The following DNAH8 variants were observed in gnomAD, a reference collection of about 807,000 sequenced individuals.
DNAH8 encodes axonemal beta dynein heavy chain 8.
Under a neutral mutation model 562.1 loss-of-function variants are expected in DNAH8, and 382 were observed. The observed-to-expected ratio is 0.68, with a 90% CI of 0.63 to 0.74. The LOEUF (loss-of-function observed/expected upper bound fraction) is 0.74, where lower values mean the gene tolerates loss of function less well. Among genes scored for constraint, DNAH8 ranks in the 30% least tolerant of loss-of-function variants. DNAH8 has a pLI of 0.00. For missense variants in DNAH8, 5,203 were observed against 5,620.4 expected (o/e 0.93, Z 2.37); for synonymous variants, 1,881 against 1,919.4 (o/e 0.98, Z 0.52).
intron 82 of DNAH8, chr6:38,953,135 G>A (rs1287839220): frequency 2.0e-5 from 3 of 152,184 alleles, no homozygotes; most frequent in African/African-American, 7.2e-5. Flanking sequence ...CACCCTCAGG[G>A]AAACTCCTCT....
chr6:38,978,851 T>C lies in DNAH8; in HGVS notation c.12835-3495T>C, dbSNP rs574717304. On this transcript the variant is annotated intron_variant, in intron 85 of 92. Transcript: ENST00000327475. The stretch of plus-strand genomic sequence containing the variant: ...GTAGTTCAGAGTTTTGTATATTCTG[T>C]GAAATGAAAAGAAGAAACTGTATTA... 3.3e-5 allele frequency among the ~76,000 whole-genome samples: 5 copies of C among 152,348 alleles called. No individual in the cohort carries two copies. The South Asian group carries it at 1.0e-3, about 32-fold the overall frequency.
rs986349128 is a variant in DNAH8, at chr6:38,911,865, G to T, written c.9859+279G>T. 2.4e-4 allele frequency among the ~76,000 whole-genome samples: 36 copies of T among 152,200 alleles called. 1 individual carries two copies. The highest frequency in any genetic ancestry group is 8.7e-4 in the African/African-American group (36 of 41,454). The stretch of plus-strand genomic sequence containing the variant: ...CTGAGTCACTGAGCCATTGCTGGCA[G>T]ATGGGGACAAGCCAGCTTTTGGGAA... On this transcript the variant is annotated intron_variant, in intron 66 of 92. Coordinates refer to ENST00000327475, the MANE Select transcript of DNAH8 (RefSeq NM_001206927.2).
rs961397956 is a variant in DNAH8 at position 38,971,614 on chromosome 6, G to T, written c.12474G>T (p.Gly4158=). ...LKLECRTISM[G]QGQEVHARKL... is the part of the protein sequence containing the mutation. ...CAGAATGTAGAACTATCTCAATGGG[G>T]CAAGGACAAGAAGTACATGCTCGAA... Residue 4158 remains glycine, a synonymous_variant, in exon 83 of 93, where the codon GGG becomes GGT. Transcript: ENST00000327475. The T allele has an allele frequency of 3.1e-6, 5 of 1,598,858 alleles. No homozygotes were observed. In the African/African-American group the frequency reaches 5.4e-5, roughly 17 times the overall value.
At chr6:38,749,893 G>A (rs564180947) in intron 8 of DNAH8, among the ~76,000 whole-genome samples, 2 of 152,162 alleles carry the variant, frequency 1.3e-5, no homozygotes, top group East Asian at 1.9e-4. Flanking sequence ...GTGCAGTGGC[G>A]CGATCTCTGG....
rs1242856712 is a variant in DNAH8, at chr6:38,974,374, A to G, written c.12679A>G (p.Thr4227Ala). The G allele has an allele frequency of 1.2e-6, 2 of 1,605,754 alleles. No homozygotes were observed. Among genetic ancestry groups the G allele is most frequent in the South Asian group, 2.2e-5 (2 of 89,220 alleles). ...AAGCACTGTTTTCTTTTCATGACAG[A>G]CCTCTCTCAAATTCACTAATGAGCC... Reference protein sequence around the residue: ...HDRFPITLLQTSLKFTNEPPQ... With the variant: ...HDRFPITLLQASLKFTNEPPQ... Residue 4227 changes from threonine to alanine, a missense_variant and splice_region_variant, in exon 85 of 93, where the codon ACC (threonine) becomes GCC (alanine). Coordinates refer to ENST00000327475, the MANE Select transcript of DNAH8 (RefSeq NM_001206927.2).
At chr6:38,993,257 C>CA (rs1561953614) in intron 88 of DNAH8, among the ~76,000 whole-genome samples, 1 of 152,188 alleles carries the variant, frequency 6.6e-6, no homozygotes, top group Non-Finnish European at 1.5e-5. Flanking sequence ...CTACCAGCAA[C>CA]AAACCTATTA....
chr6:38,838,011 G>A lies in DNAH8; in HGVS notation c.4435G>A (p.Val1479Met). Residue 1479 changes from valine (V) to methionine (M), a missense_variant, in exon 33 of 93, where the codon GTG becomes ATG. Physicochemically the swap from Val to Met is conservative, Grantham distance 21. Coordinates refer to ENST00000327475, the MANE Select transcript of DNAH8 (RefSeq NM_001206927.2). The stretch of plus-strand genomic sequence containing the variant: ...TGGTGAACAACTTTTTGGATTGCCT[G>A]TGACTGATTATGAGGTTTTACACAA... The part of the protein sequence containing the change: ...SSGEQLFGLP[V>M]TDYEVLHKTR... The A allele has an allele frequency of 6.2e-7, 1 of 1,612,600 alleles. No homozygotes were observed. The highest frequency in any genetic ancestry group is 8.5e-7 in the Non-Finnish European group (1 of 1,179,362).
chr6:39,008,289 C>A (rs534077043), intron 88 of DNAH8, among the ~76,000 whole-genome samples: 1 of 151,832 alleles, frequency 6.6e-6, no homozygotes. Context: ...CAGGTGGAGC[C>A]GATGGGCGTC....
At chr6:38,828,309 A>T (rs773813506) in intron 30 of DNAH8, 21 bp downstream of exon 30, 6 of 1,430,996 alleles carry the variant, frequency 4.2e-6, no homozygotes, top group Non-Finnish European at 5.7e-6. Flanking sequence ...ATTTAACTAC[A>T]TTATTTTTTC....
chr6:38,952,419 C>T (rs934710482), intron 82 of DNAH8, among the ~76,000 whole-genome samples: 1 of 152,010 alleles, frequency 6.6e-6, no homozygotes. Flanking sequence ...CTCTGAAAAT[C>T]GGAATGCTGT....
In DNAH8 at chr6:38,923,292, T is replaced by G. The variant is rs4714199; in HGVS notation, c.10790+107T>G. 0.14 allele frequency: 184,781 copies of G among 1,362,986 alleles called. 17,879 individuals are homozygous for G. The highest frequency in any genetic ancestry group is 0.47 in the African/African-American group (32,344 of 68,292). The allele number at this position is 1,362,986 out of a possible 1,614,324, so 84.4% of individuals were successfully genotyped here. ...TGAATCCCATCATCTATGACAGTGC[T>G]TGCAACTTAAATCATGCACTCTCAG... On this transcript the variant is annotated intron_variant, in intron 72 of 92. Coordinates refer to ENST00000327475, the MANE Select transcript of DNAH8 (RefSeq NM_001206927.2).
intron 81 of DNAH8, among the ~76,000 whole-genome samples, chr6:38,950,833 CAA>C (rs111827517): frequency 1.5e-5 from 2 of 136,766 alleles, no homozygotes. Flanking sequence ...CTAGTAGCAC[CAA>C]AAAAAAAAAA....
chr6:38,952,015 G>A lies in DNAH8; in HGVS notation c.12451+495G>A, dbSNP rs1761941611. On this transcript the variant is annotated intron_variant, in intron 82 of 92. Transcript: ENST00000327475. ...GGAGCACAGAGATGAATACAACACA[G>A]CTGGGAAAGACAGACACGTAAACAT... 2.6e-5 allele frequency among the ~76,000 whole-genome samples: 4 copies of A among 152,176 alleles called. No homozygotes were observed. The South Asian group carries it at 8.3e-4, about 32-fold the overall frequency.
chr6:38,734,630 G>T lies in DNAH8; in HGVS notation c.762+5G>T. The T allele has an allele frequency of 6.2e-7, 1 of 1,608,014 alleles. No individual in the cohort carries two copies. The highest frequency in any genetic ancestry group is 8.5e-7 in the Non-Finnish European group (1 of 1,178,504). On this transcript the variant is annotated splice_donor_5th_base_variant and intron_variant, in intron 5 of 92. Coordinates refer to ENST00000327475, the MANE Select transcript of DNAH8 (RefSeq NM_001206927.2). ...AATGTTAAAACTATTCAAGAGGTAT[G>T]TTTAAAAATTTCCCCAAATACATAG...
rs1429225498 is a variant in DNAH8 at position 38,899,877 on chromosome 6, C to A, written c.9165C>A (p.Gly3055=). ...SLSRLASFIA[G]YQIFQITLTR... is the part of the protein sequence containing the mutation. The stretch of plus-strand genomic sequence containing the variant: ...CAAGATTGGCCTCTTTTATTGCTGG[C>A]TATCAAATATTCCAGATAACATTAA... The change falls in exon 62 of 93, where the codon GGC becomes GGA. Residue 3055 remains glycine, a synonymous_variant. Transcript: ENST00000327475. 2 of 1,604,520 alleles carry A rather than the reference C, an allele frequency of 1.2e-6. No individual in the cohort carries two copies. The highest frequency in any genetic ancestry group is 1.7e-6 in the Non-Finnish European group (2 of 1,176,612).
chr6:38,724,851 C>T (rs971526290), intron 3 of DNAH8, among the ~76,000 whole-genome samples: 2 of 152,098 alleles, frequency 1.3e-5, no homozygotes, highest in Non-Finnish European at 2.9e-5. Flanking sequence ...AGCTGATTGT[C>T]TCACTGAATG....
chr6:38,747,187 C>T (rs1244443245), intron 8 of DNAH8, among the ~76,000 whole-genome samples: 1 of 152,048 alleles, frequency 6.6e-6, no homozygotes, highest in African/African-American at 2.4e-5. Flanking sequence ...TCAGCTGGAT[C>T]AGGTGGATCT....
intron 4 of DNAH8, among the ~76,000 whole-genome samples, chr6:38,733,246 CTGTTGA>C (rs1312832146): frequency 1.2e-5 from 1 of 86,812 alleles, no homozygotes; most frequent in African/African-American, 3.2e-5. Context: ...AAATAGAAGG[CTGTTGA>C]TTTTTGCAAA....
At chr6:38,775,688 A>G in intron 12 of DNAH8, 66 bp from the exon 13 acceptor site, 1 of 954,578 alleles carries the variant, frequency 1.0e-6, no homozygotes, top group Non-Finnish European at 1.6e-6. Context: ...ATTCATTAAG[A>G]GCTTATTTTA....
Sources: gnomAD v4.1 joint callset for allele counts (sites outside exome capture counted in the v4.1 genomes callset) on GRCh38, gnomAD v4.1.1 for gene constraint, MANE v1.5 for transcripts, NCBI Gene and HGNC (gene_info 2026-07-23, HGNC 2026-07-21) for gene names.